Variants in CDH23 observed in about 807,000 individuals in gnomAD.
CDH23 encodes the protein cadherin related 23.
CDH23 carries 189 observed loss-of-function variants against 317.1 expected under a neutral mutation model. That is an observed-to-expected ratio of 0.60 (90% CI 0.53 to 0.67). The LOEUF (loss-of-function observed/expected upper bound fraction) is 0.67, where lower values mean the gene tolerates loss of function less well. Ranked by LOEUF, CDH23 falls within the 30% of genes least tolerant of loss-of-function variation. The pLI, the probability that CDH23 is intolerant of heterozygous loss-of-function variation, is 0.00. For synonymous variants in CDH23, 1,839 were observed against 1,876.8 expected (o/e 0.98, Z 0.52); for missense variants, 4,401 against 4,592.4 (o/e 0.96, Z 1.20).
At chr10:71,400,293 C>T (rs12769714) in intron 1 of CDH23, among the ~76,000 whole-genome samples, 5,946 of 152,248 alleles carry the variant, frequency 0.039, 160 homozygotes, top group Non-Finnish European at 0.066. Context: ...CCGATGGTGT[C>T]ACAGGTGAAA....
chr10:71,606,257 G>A (rs370936562), intron 9 of CDH23, among the ~76,000 whole-genome samples: 29 of 152,318 alleles, frequency 1.9e-4, no homozygotes, highest in African/African-American at 4.8e-4. Flanking sequence ...GCGGACTGCC[G>A]TTCACACCTA....
intron 17 of CDH23, 38 bp downstream of exon 17, chr10:71,679,530 A>G: frequency 6.8e-7 from 1 of 1,473,006 alleles, no homozygotes; most frequent in Admixed American, 1.9e-5. Context: ...AGCCAGGAGG[A>G]GGGCTGGGGG....
intron 6 of CDH23, among the ~76,000 whole-genome samples, chr10:71,517,032 G>A (rs1374104180): frequency 6.6e-6 from 1 of 152,226 alleles, no homozygotes; most frequent in Non-Finnish European, 1.5e-5. Context: ...CCCAGGCCTG[G>A]CGTATGGACT....
intron 27 of CDH23, among the ~76,000 whole-genome samples, chr10:71,710,252 C>T (rs10999968): frequency 0.031 from 4,698 of 152,344 alleles, 124 homozygotes; most frequent in East Asian, 0.08. Flanking sequence ...CAGCACTTGT[C>T]TCTTTCCCCT....
chr10:71,600,987 G>A (rs1248536675), intron 9 of CDH23, among the ~76,000 whole-genome samples: 2 of 152,180 alleles, frequency 1.3e-5, no homozygotes, highest in East Asian at 1.9e-4. Context: ...AACCCAAGAT[G>A]TTTGATGTTT....
chr10:71,798,059 T>C (rs1292042537), intron 49 of CDH23, among the ~76,000 whole-genome samples: 2 of 152,178 alleles, frequency 1.3e-5, no homozygotes, highest in Non-Finnish European at 2.9e-5. Flanking sequence ...AGACAGGATC[T>C]AGGGTCTTAA....
intron 29 of CDH23, 72 bp from the exon 30 acceptor site, chr10:71,725,300 C>A (rs1866755861): frequency 6.2e-7 from 1 of 1,606,990 alleles, no homozygotes; most frequent in Non-Finnish European, 8.5e-7. Context: ...CTGCCCCCAA[C>A]CATGGCAGGC....
intron 9 of CDH23, among the ~76,000 whole-genome samples, chr10:71,583,322 CAGG>C (rs1304842203): frequency 6.6e-6 from 1 of 151,444 alleles, no homozygotes; most frequent in African/African-American, 2.4e-5. Context: ...GTGCCCGGCT[CAGG>C]AGAATGCCAG....
chr10:71,499,817 C>A (rs771634313), intron 3 of CDH23, among the ~76,000 whole-genome samples: 5 of 151,322 alleles, frequency 3.3e-5, no homozygotes, highest in Non-Finnish European at 7.4e-5. Context: ...CCAGCCTGAG[C>A]AACAAGAGTG....
rs767680481 is a variant in CDH23, at chr10:71,712,669, C to T, written c.3225C>T (p.Asn1075=). ...GTCTTCCTTCAACTCCCACAGACAA[C>T]GGCCCTGTAGGGAAGCGACACACGG... ...AYMLILEAID[N]GPVGKRHTGT... is the part of the protein sequence containing the mutation. The change falls in exon 28 of 70, where the codon AAC becomes AAT. Residue 1075 remains asparagine, a synonymous_variant. Transcript: ENST00000224721. The T allele has an allele frequency of 2.5e-5, 41 of 1,613,326 alleles. No individual in the cohort carries two copies. The highest frequency in any genetic ancestry group is 3.1e-5 in the Non-Finnish European group (36 of 1,179,784).
intron 53 of CDH23, among the ~76,000 whole-genome samples, chr10:71,801,294 A>G (rs907607464): frequency 6.6e-6 from 1 of 151,502 alleles, no homozygotes; most frequent in African/African-American, 2.4e-5. Context: ...AGCTGGGATT[A>G]CAGGCATGCG....
chr10:71,595,706 C>T (rs754538316), intron 9 of CDH23, among the ~76,000 whole-genome samples: 33 of 152,172 alleles, frequency 2.2e-4, no homozygotes, highest in Non-Finnish European at 3.5e-4. Context: ...TGTCATCCGC[C>T]GAGACAACGC....
At chr10:71,755,343 A>G in intron 38 of CDH23, 1 of 1,603,594 alleles carries the variant, frequency 6.2e-7, no homozygotes. Flanking sequence ...CACCCCAGGC[A>G]GGGAGGAATA....
At chr10:71,555,734 C>A (rs932600404) in intron 6 of CDH23, among the ~76,000 whole-genome samples, 2 of 152,128 alleles carry the variant, frequency 1.3e-5, no homozygotes, top group Non-Finnish European at 2.9e-5. Flanking sequence ...GCTCCTTAGT[C>A]TCTGAATAGG....
At chr10:71,515,828 G>A (rs569449768) in intron 6 of CDH23, among the ~76,000 whole-genome samples, 1 of 152,308 alleles carries the variant, frequency 6.6e-6, no homozygotes, top group African/African-American at 2.4e-5. Context: ...TTTGTCCTTG[G>A]TGAAGGCAAT....
At chr10:71,483,075 G>A (rs900814378) in intron 3 of CDH23, among the ~76,000 whole-genome samples, 8 of 152,234 alleles carry the variant, frequency 5.3e-5, no homozygotes, top group African/African-American at 7.2e-5. Flanking sequence ...CCGTCCTGGC[G>A]GATGGAGGCA....
intron 21 of CDH23, 61 bp downstream of exon 21, chr10:71,694,320 C>A: frequency 2.3e-6 from 3 of 1,304,996 alleles, no homozygotes; most frequent in Non-Finnish European, 2.2e-6. Context: ...CTGCTCCCTG[C>A]TTGTACCTCT....
chr10:71,458,595 C>T (rs1850813810), intron 3 of CDH23, among the ~76,000 whole-genome samples: 1 of 152,204 alleles, frequency 6.6e-6, no homozygotes, highest in African/African-American at 2.4e-5. Context: ...CTTCCTCTTC[C>T]AAGAAGCCCT....
At chr10:71,757,326 C>G (rs972020021) in intron 38 of CDH23, among the ~76,000 whole-genome samples, 2 of 152,214 alleles carry the variant, frequency 1.3e-5, no homozygotes, top group African/African-American at 4.8e-5. Context: ...GAGATTTCCC[C>G]TATGTGGACC....
Sources: allele counts gnomAD v4.1 joint callset (sites outside exome capture counted in the v4.1 genomes callset), GRCh38; gene constraint gnomAD v4.1.1; transcripts MANE v1.5; gene names NCBI Gene and HGNC (gene_info 2026-07-23, HGNC 2026-07-21).